NCOR1: variants seen among roughly 807,000 people sequenced by gnomAD.
NCOR1 encodes nuclear receptor corepressor 1, also known as protein phosphatase 1, regulatory subunit 109.
NCOR1 carries 63 observed loss-of-function variants against 288.1 expected under a neutral mutation model. The observed-to-expected ratio is 0.22, with a 90% CI of 0.18 to 0.27. The LOEUF (loss-of-function observed/expected upper bound fraction) is 0.27, where lower values mean the gene tolerates loss of function less well. Among genes scored for constraint, NCOR1 ranks in the 10% least tolerant of loss-of-function variants. The probability of loss-of-function intolerance (pLI) is 1.00; values close to 1 mark genes in which losing one functional copy is unlikely to be tolerated. For missense variants in NCOR1, 2,397 were observed against 3,019.2 expected (o/e 0.79, Z 4.83); for synonymous variants, 1,007 against 1,065.9 (o/e 0.94, Z 1.08).
chr17:16,045,002 A>G (rs564026399), intron 42 of NCOR1: 8 of 465,106 alleles, frequency 1.7e-5, no homozygotes, highest in Admixed American at 1.4e-4. Flanking sequence ...AACTTAAGAA[A>G]AAAAAAAAAA....
intron 18 of NCOR1, among the ~76,000 whole-genome samples, chr17:16,109,520 T>C (rs1272917879): frequency 5.3e-5 from 8 of 152,154 alleles, no homozygotes; most frequent in East Asian, 3.8e-4. Flanking sequence ...ATTATTGTTA[T>C]TAATGATCCC....
intron 2 of NCOR1, among the ~76,000 whole-genome samples, chr17:16,188,419 G>C (rs1470193647): frequency 1.3e-5 from 2 of 151,802 alleles, no homozygotes; most frequent in Non-Finnish European, 2.9e-5. Context: ...AGAACAGCCT[G>C]GCCAACACAG....
At chr17:16,204,634 G>C (rs1413748448) in intron 1 of NCOR1, among the ~76,000 whole-genome samples, 1 of 152,128 alleles carries the variant, frequency 6.6e-6, no homozygotes, top group African/African-American at 2.4e-5. Context: ...TAGTAGATAG[G>C]TGAATATTTT....
chr17:16,036,491 G>C (rs1408094197), intron 44 of NCOR1, among the ~76,000 whole-genome samples: 1 of 152,118 alleles, frequency 6.6e-6, no homozygotes, highest in African/African-American at 2.4e-5. Context: ...TTGAAGTTTT[G>C]GACTCTTCCA....
chr17:16,092,994 G>A (rs530241668), intron 21 of NCOR1, among the ~76,000 whole-genome samples: 67 of 151,818 alleles, frequency 4.4e-4, no homozygotes, highest in African/African-American at 1.5e-3. Context: ...ATGAGCCACC[G>A]TGCCTGGCAG....
At chr17:16,185,807 A>T (rs2086564835) in intron 3 of NCOR1, among the ~76,000 whole-genome samples, 1 of 151,736 alleles carries the variant, frequency 6.6e-6, no homozygotes, top group Non-Finnish European at 1.5e-5. Context: ...CTCTACAAAA[A>T]ATACAAAAAA....
chr17:16,040,146 T>C lies in NCOR1; in HGVS notation c.6733+295A>G, dbSNP rs139856082. The C allele has an allele frequency of 1.7e-4, 89 of 535,452 alleles. 1 individual carries two copies. The East Asian group carries it at 4.0e-3, about 24-fold the overall frequency. The allele number at this position is 535,452 out of a possible 1,614,324, so 33.2% of individuals were successfully genotyped here. On this transcript the variant is annotated intron_variant, in intron 43 of 45. Coordinates refer to ENST00000268712, the MANE Select transcript of NCOR1 (RefSeq NM_006311.4). ...TAAGGAAATTTGTTTCCCAAGTGAATCAGTCACCCACACTTCTATTAAAGT... is the reference window on the plus strand; with the variant it reads ...TAAGGAAATTTGTTTCCCAAGTGAACCAGTCACCCACACTTCTATTAAAGT...
intron 23 of NCOR1, among the ~76,000 whole-genome samples, chr17:16,083,221 A>G (rs911032777): frequency 2.6e-5 from 4 of 151,822 alleles, no homozygotes; most frequent in African/African-American, 9.7e-5. Flanking sequence ...CAACAGAGCA[A>G]GACTCTGTCT....
At chr17:16,123,462 AC>A (rs1390993439) in intron 15 of NCOR1, among the ~76,000 whole-genome samples, 3 of 152,194 alleles carry the variant, frequency 2.0e-5, no homozygotes, top group African/African-American at 7.2e-5. Flanking sequence ...CAATGAATCA[AC>A]ATTCTAGCAG....
chr17:16,160,735 T>A (rs541272311), intron 5 of NCOR1, among the ~76,000 whole-genome samples: 3 of 152,110 alleles, frequency 2.0e-5, no homozygotes, highest in Non-Finnish European at 2.9e-5. Flanking sequence ...GAGGTTGCAG[T>A]GAGCCAAGAT....
At chr17:16,056,233 C>A (rs1169738641) in intron 40 of NCOR1, among the ~76,000 whole-genome samples, 1 of 151,894 alleles carries the variant, frequency 6.6e-6, no homozygotes, top group Non-Finnish European at 1.5e-5. Context: ...GCTCATGTGT[C>A]CTCTATGTCT....
intron 12 of NCOR1, 94 bp from the exon 13 acceptor site, chr17:16,138,306 T>G (rs181337634): frequency 6.5e-6 from 7 of 1,080,382 alleles, no homozygotes; most frequent in Non-Finnish European, 9.4e-6. Context: ...ATGTATAGGC[T>G]GGGCGTGGTG....
intron 3 of NCOR1, among the ~76,000 whole-genome samples, chr17:16,186,258 T>C (rs1600176257): frequency 6.6e-6 from 1 of 152,286 alleles, no homozygotes; most frequent in South Asian, 2.1e-4. Context: ...GTGATGAGGC[T>C]TGGGCATCCC....
At chr17:16,037,939 T>C (rs1409859327) in intron 44 of NCOR1, among the ~76,000 whole-genome samples, 4 of 152,272 alleles carry the variant, frequency 2.6e-5, no homozygotes, top group Admixed American at 6.5e-5. Flanking sequence ...CTGCCCCAAA[T>C]TCCTATACAA....
intron 18 of NCOR1, among the ~76,000 whole-genome samples, chr17:16,114,239 G>A (rs1040237709): frequency 6.7e-6 from 1 of 148,542 alleles, no homozygotes; most frequent in African/African-American, 2.5e-5. Flanking sequence ...CACAAAAATA[G>A]CATGAGAAAG....
At chr17:16,079,938 G>C (rs1398372356) in intron 26 of NCOR1, 26 bp downstream of exon 26, 3 of 1,555,316 alleles carry the variant, frequency 1.9e-6, no homozygotes, top group African/African-American at 1.4e-5. Context: ...CTTCTGTTGA[G>C]TATATCAGAG....
intron 45 of NCOR1, among the ~76,000 whole-genome samples, chr17:16,032,852 T>C (rs918405408): frequency 6.6e-6 from 1 of 152,230 alleles, no homozygotes; most frequent in Non-Finnish European, 1.5e-5. Flanking sequence ...TGCAAGAGTA[T>C]AGTTCTCAGA....
intron 6 of NCOR1, among the ~76,000 whole-genome samples, chr17:16,156,215 G>A (rs999251213): frequency 9.2e-5 from 14 of 152,002 alleles, no homozygotes; most frequent in Non-Finnish European, 1.2e-4. Context: ...ATGGGTAGAT[G>A]ACTTGAGCCC....
chr17:16,209,310 AAC>A (rs947642691), intron 1 of NCOR1, among the ~76,000 whole-genome samples: 6 of 152,198 alleles, frequency 3.9e-5, no homozygotes, highest in African/African-American at 1.2e-4. Context: ...AAGAAAAAAA[AAC>A]AAAAAATTCT....
Sources: gnomAD v4.1 joint callset for allele counts (sites outside exome capture counted in the v4.1 genomes callset) on GRCh38, gnomAD v4.1.1 for gene constraint, MANE v1.5 for transcripts, NCBI Gene and HGNC (gene_info 2026-07-23, HGNC 2026-07-21) for gene names.